Variants in FBXL2 observed in about 807,000 individuals in gnomAD.
FBXL2 encodes F-box/LRR-repeat protein 2.
FBXL2 carries 38 observed loss-of-function variants against 69.2 expected under a neutral mutation model. That is an observed-to-expected ratio of 0.55 (90% CI 0.42 to 0.72). The LOEUF is 0.72. Among genes scored for constraint, FBXL2 ranks in the 30% least tolerant of loss-of-function variants. The pLI, the probability that FBXL2 is intolerant of heterozygous loss-of-function variation, is 0.00. For synonymous variants in FBXL2, 192 were observed against 201.3 expected (o/e 0.95, Z 0.39); for missense variants, 354 against 520.3 (o/e 0.68, Z 3.11).
intron 14 of FBXL2, 23 bp downstream of exon 14, chr3:33,384,224 A>G: frequency 6.2e-7 from 1 of 1,605,312 alleles, no homozygotes; most frequent in Non-Finnish European, 8.5e-7. Flanking sequence ...CAGGGGAGTC[A>G]GTCACACCTG....
At chr3:33,393,484 T>C (rs762850538) in intron 12 of FBXL2, 15 of 1,581,278 alleles carry the variant, frequency 9.5e-6, no homozygotes, top group African/African-American at 2.7e-5. Flanking sequence ...AAGAAAAGCA[T>C]TTTAACAGTA....
At chr3:33,404,753 T>C (rs1049208015), downstream of FBXL2, among the ~76,000 whole-genome samples, 5 of 152,326 alleles carry the variant, frequency 3.3e-5, no homozygotes, top group East Asian at 3.9e-4. Context: ...GATGGACCTA[T>C]TGTCAACTGA....
At chr3:33,410,182 A>G in the FBXL2 span, among the ~76,000 whole-genome samples, 2 of 152,244 alleles carry the variant, frequency 1.3e-5, no homozygotes, top group African/African-American at 4.8e-5. Context: ...TTCAGGATCC[A>G]GAGGGCAATA....
intron 2 of FBXL2, among the ~76,000 whole-genome samples, chr3:33,358,207 C>T (rs1338496979): frequency 6.6e-6 from 1 of 152,170 alleles, no homozygotes; most frequent in Non-Finnish European, 1.5e-5. Context: ...CCCTGTCCAC[C>T]CTTCTTCTCA....
At chr3:33,378,947 G>C (rs952914437) in intron 13 of FBXL2, 55 of 938,808 alleles carry the variant, frequency 5.9e-5, no homozygotes, top group Non-Finnish European at 8.1e-5. Flanking sequence ...ATTCCCAAAA[G>C]AGAAATGTCC....
chr3:33,372,123 T>C (rs2042339671), intron 5 of FBXL2, among the ~76,000 whole-genome samples: 1 of 152,150 alleles, frequency 6.6e-6, no homozygotes, highest in Non-Finnish European at 1.5e-5. Flanking sequence ...GGAGATAGAG[T>C]CTCACTGTGT....
rs1440853456 is a variant in FBXL2 at position 33,308,603 on chromosome 3, CACTA to C, written c.65+10881_65+10884del. ...TACACACATAACAGCCTCAGAATGA[CACTA>C]ACACAGTTGTCATCAACATGAGTAC... On this transcript the variant is annotated intron_variant, in intron 2 of 14. Coordinates refer to ENST00000484457, the MANE Select transcript of FBXL2 (RefSeq NM_012157.5). Among the ~76,000 whole-genome samples, 6 of 152,292 alleles carry C rather than the reference CACTA, an allele frequency of 3.9e-5. 1 individual carries two copies. Among genetic ancestry groups the C allele is most frequent in the African/African-American group, 1.4e-4 (6 of 41,582 alleles).
At chr3:33,404,029 TAGCCCAGGATAGCTTG>T (rs1284468471), downstream of FBXL2, among the ~76,000 whole-genome samples, 1 of 148,358 alleles carries the variant, frequency 6.7e-6, no homozygotes, top group Non-Finnish European at 1.5e-5. Flanking sequence ...TAGCCCAGGA[TAGCCCAGGATAGCTTG>T]AGCCCAGGAG....
At chr3:33,323,453 C>G (rs921866674) in intron 2 of FBXL2, among the ~76,000 whole-genome samples, 12 of 152,116 alleles carry the variant, frequency 7.9e-5, no homozygotes, top group Non-Finnish European at 1.6e-4. Context: ...AATGATATCC[C>G]TCCCCTTCCC....
chr3:33,284,995 A>G (rs1343218866), intron 1 of FBXL2, among the ~76,000 whole-genome samples: 1 of 151,986 alleles, frequency 6.6e-6, no homozygotes, highest in East Asian at 1.9e-4. Flanking sequence ...TGACTATCCA[A>G]TTTGCCAGTC....
intron 5 of FBXL2, among the ~76,000 whole-genome samples, chr3:33,368,807 T>C (rs960624974): frequency 2.0e-5 from 3 of 152,086 alleles, no homozygotes; most frequent in Non-Finnish European, 4.4e-5. Flanking sequence ...AGGATGGTCT[T>C]GATCTCCTGA....
chr3:33,328,944 C>A (rs1208423092), intron 2 of FBXL2, among the ~76,000 whole-genome samples: 1 of 152,010 alleles, frequency 6.6e-6, no homozygotes, highest in African/African-American at 2.4e-5. Flanking sequence ...GAAGAGACAA[C>A]CCACAGAATG....
intron 4 of FBXL2, among the ~76,000 whole-genome samples, chr3:33,362,321 A>C (rs78839214): frequency 0.02 from 3,095 of 152,326 alleles, 59 homozygotes; most frequent in Admixed American, 0.056. Flanking sequence ...GAAATAACTA[A>C]GTAGTGTGTG....
At chr3:33,372,886 C>T (rs2042383160) in intron 5 of FBXL2, 2 of 612,432 alleles carry the variant, frequency 3.3e-6, no homozygotes, top group South Asian at 4.0e-5. Context: ...GCACTGGCAT[C>T]ACCTGGGAGT....
chr3:33,330,114 C>G (rs1020329710), intron 2 of FBXL2, among the ~76,000 whole-genome samples: 4 of 151,940 alleles, frequency 2.6e-5, no homozygotes, highest in Middle Eastern at 3.2e-3. Flanking sequence ...AAAACTCTGT[C>G]TCTAGAAAAA....
At chr3:33,367,065 G>T (rs867995118) in intron 5 of FBXL2, among the ~76,000 whole-genome samples, 1 of 151,882 alleles carries the variant, frequency 6.6e-6, no homozygotes, top group Admixed American at 6.6e-5. Flanking sequence ...ATGTTTTTTT[G>T]GGGGAAGGTT....
intron 4 of FBXL2, among the ~76,000 whole-genome samples, chr3:33,360,237 A>T (rs1317902577): frequency 6.6e-6 from 1 of 151,830 alleles, no homozygotes; most frequent in African/African-American, 2.4e-5. Context: ...TTTGTTTTGG[A>T]TAAGGAAATG....
chr3:33,345,384 G>A (rs1274026596), intron 2 of FBXL2, among the ~76,000 whole-genome samples: 1 of 152,100 alleles, frequency 6.6e-6, no homozygotes, highest in Non-Finnish European at 1.5e-5. Flanking sequence ...TGGTAGTGGG[G>A]CACACATCAT....
At chr3:33,384,262 C>G in intron 14 of FBXL2, 61 bp downstream of exon 14, 2 of 1,535,444 alleles carry the variant, frequency 1.3e-6, no homozygotes, top group Admixed American at 3.4e-5. Context: ...AGGAAAACAT[C>G]AAGAATCAGA....
Sources: allele counts gnomAD v4.1 joint callset (sites outside exome capture counted in the v4.1 genomes callset), GRCh38; gene constraint gnomAD v4.1.1; transcripts MANE v1.5; gene names NCBI Gene and HGNC (gene_info 2026-07-23, HGNC 2026-07-21).